PDE4D: variants seen among roughly 807,000 people sequenced by gnomAD.
PDE4D encodes 3',5'-cyclic-AMP phosphodiesterase 4D.
A neutral mutation model predicts 87.4 loss-of-function variants in PDE4D; 24 were observed. The observed-to-expected ratio is 0.27, with a 90% CI of 0.20 to 0.39. The LOEUF (loss-of-function observed/expected upper bound fraction) is 0.39. Among genes scored for constraint, PDE4D ranks in the 10% least tolerant of loss-of-function variants. PDE4D has a pLI of 1.00. For synonymous variants in PDE4D, 384 were observed against 383.2 expected (o/e 1.00, Z -0.02); for missense variants, 714 against 1,041.0 (o/e 0.69, Z 4.32).
chr5:59,656,600 T>G (rs746327484), intron 1 of PDE4D, among the ~76,000 whole-genome samples: 1 of 152,298 alleles, frequency 6.6e-6, no homozygotes, highest in East Asian at 1.9e-4. Flanking sequence ...GGATGCAGCA[T>G]AGGAGGATGT....
intron 1 of PDE4D, among the ~76,000 whole-genome samples, chr5:59,514,523 AT>A (rs1470467796): frequency 1.3e-5 from 2 of 152,012 alleles, no homozygotes; most frequent in African/African-American, 4.8e-5. Flanking sequence ...TTATTTATTT[AT>A]TTATTTTTAC....
chr5:59,035,026 T>C (rs935834574), intron 6 of PDE4D, among the ~76,000 whole-genome samples: 1 of 152,252 alleles, frequency 6.6e-6, no homozygotes, highest in Non-Finnish European at 1.5e-5. Flanking sequence ...CAGGGTTCCA[T>C]AGCATAATCC....
At chr5:59,039,043 G>A (rs752173583) in intron 5 of PDE4D, 72 bp from the exon 6 acceptor site, 508 of 1,522,448 alleles carry the variant, frequency 3.3e-4, no homozygotes, top group Non-Finnish European at 3.4e-4. Context: ...TTCAAAGGGG[G>A]CCATCCTGCC....
chr5:60,450,766 T>C lies in PDE4D; in HGVS notation c.-90+37176A>G, dbSNP rs571660042. ...GGATAAAGATAATTGGCCATATACA[T>C]GGTGATATCTATCTTCAACTGCAGA... On this transcript the variant is annotated intron_variant, in intron 1 of 16. Transcript: ENST00000502484. 9.9e-5 allele frequency among the ~76,000 whole-genome samples: 15 copies of C among 152,234 alleles called. No individual in the cohort carries two copies. The South Asian group carries it at 3.1e-3, about 32-fold the overall frequency.
chr5:60,248,894 T>A (rs568011464), intron 1 of PDE4D, among the ~76,000 whole-genome samples: 1 of 152,074 alleles, frequency 6.6e-6, no homozygotes, highest in East Asian at 1.9e-4. Context: ...TCCTAATCAC[T>A]CTCAGAACAA....
intron 1 of PDE4D, among the ~76,000 whole-genome samples, chr5:60,264,687 G>C (rs566916751): frequency 1.3e-5 from 2 of 152,326 alleles, no homozygotes; most frequent in East Asian, 3.9e-4. Context: ...TGAACTGGGG[G>C]TGTGGGATAC....
intron 1 of PDE4D, among the ~76,000 whole-genome samples, chr5:59,614,746 T>A (rs1456349520): frequency 6.6e-6 from 1 of 152,178 alleles, no homozygotes; most frequent in Non-Finnish European, 1.5e-5. Context: ...TATTCTTCAG[T>A]TGGTAGGAAG....
chr5:60,045,460 AG>A (rs1769103772), intron 2 of PDE4D, among the ~76,000 whole-genome samples: 1 of 151,954 alleles, frequency 6.6e-6, no homozygotes, highest in Non-Finnish European at 1.5e-5. Flanking sequence ...TGAATGGTAA[AG>A]CCTAGGTTTT....
At chr5:59,574,005 A>AAAAAAAAT (rs1266408182) in intron 1 of PDE4D, among the ~76,000 whole-genome samples, 4 of 119,710 alleles carry the variant, frequency 3.3e-5, no homozygotes, top group African/African-American at 1.1e-4. Flanking sequence ...CTCAAAAAAA[A>AAAAAAAAT]ATATATATAT....
At chr5:59,032,917 A>G (rs1466264590) in intron 6 of PDE4D, among the ~76,000 whole-genome samples, 3 of 152,224 alleles carry the variant, frequency 2.0e-5, no homozygotes, top group African/African-American at 7.2e-5. Context: ...AATATTAGAT[A>G]GGAAACAACA....
intron 1 of PDE4D, among the ~76,000 whole-genome samples, chr5:60,465,853 C>G (rs1482650218): frequency 2.0e-5 from 3 of 149,578 alleles, no homozygotes; most frequent in Non-Finnish European, 4.4e-5. Flanking sequence ...CTGAATATCT[C>G]TTGTAATTTT....
chr5:60,050,961 A>G (rs950734757), intron 2 of PDE4D, among the ~76,000 whole-genome samples: 9 of 152,360 alleles, frequency 5.9e-5, no homozygotes, highest in Middle Eastern at 3.4e-3. Flanking sequence ...CATAATGGTA[A>G]AGGGATCAAT....
intron 2 of PDE4D, among the ~76,000 whole-genome samples, chr5:59,195,064 A>G (rs1745157427): frequency 6.6e-6 from 1 of 151,964 alleles, no homozygotes; most frequent in Admixed American, 6.6e-5. Context: ...CCATTTTTCC[A>G]TTGTTTGGGA....
At chr5:59,653,208 A>AT (rs555841091) in intron 1 of PDE4D, among the ~76,000 whole-genome samples, 41 of 125,736 alleles carry the variant, frequency 3.3e-4, no homozygotes, top group South Asian at 7.5e-4. Flanking sequence ...AAAAAAAAAA[A>AT]TTTTTTTTTT....
At chr5:59,403,377 A>G (rs142244660) in intron 1 of PDE4D, among the ~76,000 whole-genome samples, 319 of 152,314 alleles carry the variant, frequency 2.1e-3, no homozygotes, top group African/African-American at 7.4e-3. Flanking sequence ...CTGTTGAGCT[A>G]TCAAATACCA....
At chr5:59,184,983 T>C (rs1196746994) in intron 4 of PDE4D, among the ~76,000 whole-genome samples, 1 of 152,202 alleles carries the variant, frequency 6.6e-6, no homozygotes, top group Non-Finnish European at 1.5e-5. Flanking sequence ...TCACCATATT[T>C]ATTTGTCATA....
intron 5 of PDE4D, among the ~76,000 whole-genome samples, chr5:59,058,245 A>G (rs1204344842): frequency 6.6e-6 from 1 of 152,170 alleles, no homozygotes. Context: ...TTAGAGGAAT[A>G]TGAATATGGT....
intron 1 of PDE4D, among the ~76,000 whole-genome samples, chr5:60,354,477 G>C (rs1028245118): frequency 3.9e-5 from 6 of 152,320 alleles, no homozygotes; most frequent in Admixed American, 3.9e-4. Context: ...TAATCTAGGA[G>C]TATACCCTTG....
At chr5:59,564,783 C>T (rs114048044) in intron 1 of PDE4D, among the ~76,000 whole-genome samples, 1 of 152,060 alleles carries the variant, frequency 6.6e-6, no homozygotes, top group Non-Finnish European at 1.5e-5. Flanking sequence ...GTGAGAAAGG[C>T]AAGAAAACAG....
Sources: allele counts gnomAD v4.1 joint callset (sites outside exome capture counted in the v4.1 genomes callset), GRCh38; gene constraint gnomAD v4.1.1; transcripts MANE v1.5; gene names NCBI Gene and HGNC (gene_info 2026-07-23, HGNC 2026-07-21).